WDPCP: variants seen among roughly 807,000 people sequenced by gnomAD.
WDPCP encodes WD repeat-containing and planar cell polarity effector protein fritz homolog.
Under a neutral mutation model 93.1 loss-of-function variants are expected in WDPCP, and 71 were observed. The observed-to-expected ratio is 0.76, with a 90% CI of 0.63 to 0.93. The LOEUF (loss-of-function observed/expected upper bound fraction) is 0.93, where lower values mean the gene tolerates loss of function less well. Ranked by LOEUF, WDPCP falls within the 40% of genes least tolerant of loss-of-function variation. The pLI is 0.00. For missense variants in WDPCP, 844 were observed against 887.4 expected, an observed-to-expected ratio of 0.95 and a Z score of 0.62; for synonymous variants, 315 against 315.0, an observed-to-expected ratio of 1.00 and a Z score of 0.00.
At chr2:63,460,618 GA>G (rs923682261) in intron 6 of WDPCP, among the ~76,000 whole-genome samples, 5 of 150,344 alleles carry the variant, frequency 3.3e-5, no homozygotes, top group African/African-American at 7.3e-5. Flanking sequence ...CAATAAAAGA[GA>G]AAAAAACAAA....
chr2:63,839,730 A>G, the WDPCP span, among the ~76,000 whole-genome samples: 1 of 152,226 alleles, frequency 6.6e-6, no homozygotes, highest in African/African-American at 2.4e-5. Context: ...TTTGTACTGT[A>G]TACAAAGGAT....
At chr2:63,406,713 T>C (rs749659569) in intron 9 of WDPCP, among the ~76,000 whole-genome samples, 2 of 152,212 alleles carry the variant, frequency 1.3e-5, no homozygotes, top group African/African-American at 4.8e-5. Flanking sequence ...AAAGCAGGTA[T>C]GACCTAATGT....
At chr2:63,383,217 A>C (rs912231281) in intron 10 of WDPCP, among the ~76,000 whole-genome samples, 3 of 152,182 alleles carry the variant, frequency 2.0e-5, no homozygotes, top group African/African-American at 4.8e-5. Context: ...TTTTGCATCT[A>C]AAATTATGTA....
At chr2:63,790,198 A>T (rs1670526419) in intron 2 of WDPCP, among the ~76,000 whole-genome samples, 1 of 152,184 alleles carries the variant, frequency 6.6e-6, no homozygotes. Context: ...CCAGAGCCTG[A>T]TGGGAGAGAT....
chr2:63,802,922 C>T (rs901951374), intron 2 of WDPCP, among the ~76,000 whole-genome samples: 4 of 152,204 alleles, frequency 2.6e-5, no homozygotes, highest in Admixed American at 1.3e-4. Context: ...ATCTGAAACA[C>T]TGCACCTGTT....
At position 63,152,933 on chromosome 2, in the gene WDPCP, C is replaced by T. The variant is rs1276531591; in HGVS notation, c.2171G>A (p.Arg724Lys). Reference sequence around the variant, plus strand: ...TTTTACCTGTTCTCTGCCGTCTTCTCTCAGTTCTCCGTCTAAAGTAAAAGA... The same window carrying T: ...TTTTACCTGTTCTCTGCCGTCTTCTTTCAGTTCTCCGTCTAAAGTAAAAGA... ...NTCNAEDGEL[R>K]EDGREQEIRD... The change falls in exon 17 of 18, where the codon AGA (arginine) becomes AAA (lysine). Residue 724 changes from arginine to lysine, a missense_variant. By Grantham distance (26) the Arg-to-Lys change is conservative. Coordinates refer to ENST00000272321, the MANE Select transcript of WDPCP (RefSeq NM_015910.7). The T allele has an allele frequency of 6.2e-7, 1 of 1,612,574 alleles. No homozygotes were observed. The highest frequency in any genetic ancestry group is 1.3e-5 in the African/African-American group (1 of 74,892).
chr2:63,147,839 C>T (rs181616403), intron 17 of WDPCP, among the ~76,000 whole-genome samples: 73 of 151,952 alleles, frequency 4.8e-4, no homozygotes, highest in African/African-American at 1.6e-3. Context: ...AGTGGTGGCA[C>T]GTGCCTGTTA....
At chr2:63,267,996 A>G (rs1682290403) in intron 13 of WDPCP, among the ~76,000 whole-genome samples, 1 of 152,172 alleles carries the variant, frequency 6.6e-6, no homozygotes, top group Non-Finnish European at 1.5e-5. Context: ...ATTGAAATTG[A>G]TATGTCAAGC....
intron 15 of WDPCP, among the ~76,000 whole-genome samples, chr2:63,171,353 A>G (rs564690847): frequency 3.9e-5 from 6 of 152,228 alleles, no homozygotes; most frequent in Non-Finnish European, 8.8e-5. Flanking sequence ...TTACAATTCA[A>G]TAACAAGACA....
intron 14 of WDPCP, among the ~76,000 whole-genome samples, chr2:63,236,693 G>A (rs1679424690): frequency 6.6e-6 from 1 of 152,002 alleles, no homozygotes; most frequent in Non-Finnish European, 1.5e-5. Context: ...ACAACCAACT[G>A]ATCTTCAAAA....
At chr2:63,246,010 C>A (rs1680243423) in intron 14 of WDPCP, among the ~76,000 whole-genome samples, 1 of 152,046 alleles carries the variant, frequency 6.6e-6, no homozygotes, top group African/African-American at 2.4e-5. Context: ...TCACTAAGGT[C>A]ATCAGAAATA....
At position 63,575,421 on chromosome 2, in the gene WDPCP, G is replaced by A. The variant is rs370850996; in HGVS notation, c.75+12776C>T. On this transcript the variant is annotated intron_variant, in intron 1 of 17. Transcript: ENST00000272321. ...ACAGTATATATACAGTATATACACTGTATACAGTGTATATACAGTGTATAC... is the reference window on the plus strand; with the variant it reads ...ACAGTATATATACAGTATATACACTATATACAGTGTATATACAGTGTATAC... Among the ~76,000 whole-genome samples, 56 of 53,716 alleles carry A rather than the reference G, an allele frequency of 1.0e-3. 3 individuals carry two copies. Among genetic ancestry groups the A allele is most frequent in the African/African-American group, 5.8e-3 (43 of 7,366 alleles). The allele number at this position is 53,716 out of a possible 152,430, so 35.2% of individuals were successfully genotyped here. A position where few individuals can be genotyped will look rare whatever the true frequency, so the allele number is the denominator to read the frequency against.
chr2:63,636,197 A>G (rs1255333520), intron 3 of WDPCP, among the ~76,000 whole-genome samples: 1 of 152,220 alleles, frequency 6.6e-6, no homozygotes. Flanking sequence ...AACGTTGACG[A>G]TGACATTGAA....
chr2:63,327,353 T>A (rs1687636002), intron 12 of WDPCP, among the ~76,000 whole-genome samples: 1 of 152,186 alleles, frequency 6.6e-6, no homozygotes, highest in South Asian at 2.1e-4. Context: ...AAAGAAAAAT[T>A]AAAATCCCAA....
At chr2:63,271,782 G>A (rs1037585350) in intron 13 of WDPCP, among the ~76,000 whole-genome samples, 6 of 151,962 alleles carry the variant, frequency 3.9e-5, no homozygotes, top group African/African-American at 9.7e-5. Flanking sequence ...CCTTTTGAGA[G>A]CATGACATCA....
chr2:63,427,191 T>C (rs1696390436), intron 9 of WDPCP, among the ~76,000 whole-genome samples: 1 of 152,064 alleles, frequency 6.6e-6, no homozygotes, highest in Admixed American at 6.6e-5. Flanking sequence ...GGCAGAAAAT[T>C]AAAAATGAAG....
intron 14 of WDPCP, among the ~76,000 whole-genome samples, chr2:63,220,088 C>T (rs1013010125): frequency 6.6e-6 from 1 of 152,174 alleles, no homozygotes; most frequent in African/African-American, 2.4e-5. Context: ...CCTCCTTCTT[C>T]TGCTACCTGA....
At chr2:63,764,549 C>A (rs541508807) in intron 2 of WDPCP, among the ~76,000 whole-genome samples, 1 of 152,098 alleles carries the variant, frequency 6.6e-6, no homozygotes, top group Non-Finnish European at 1.5e-5. Context: ...TCAAACACCA[C>A]GCAAAGAGTA....
intron 2 of WDPCP, among the ~76,000 whole-genome samples, chr2:63,722,291 T>A (rs1157210297): frequency 6.7e-6 from 1 of 150,008 alleles, no homozygotes; most frequent in Non-Finnish European, 1.5e-5. Flanking sequence ...GAGGAGCACC[T>A]CTGCCCGGCC....
Sources: gnomAD v4.1 joint callset for allele counts (sites outside exome capture counted in the v4.1 genomes callset) on GRCh38, gnomAD v4.1.1 for gene constraint, MANE v1.5 for transcripts, NCBI Gene and HGNC (gene_info 2026-07-23, HGNC 2026-07-21) for gene names.